KCNQ2: variants seen among roughly 807,000 people sequenced by gnomAD.
KCNQ2 encodes potassium voltage-gated channel subfamily KQT member 2.
In KCNQ2, 14 loss-of-function variants were observed where a neutral mutation model predicts 84.8. The ratio of observed to expected loss-of-function variants is 0.17; its 90% CI spans 0.11 to 0.26. The LOEUF is 0.26. Among genes scored for constraint, KCNQ2 ranks in the 10% least tolerant of loss-of-function variants. The pLI, the probability that KCNQ2 is intolerant of heterozygous loss-of-function variation, is 1.00. For synonymous variants in KCNQ2, 599 were observed against 554.1 expected, an observed-to-expected ratio of 1.08 and a Z score of -1.14; for missense variants, 788 against 1,254.0, an observed-to-expected ratio of 0.63 and a Z score of 5.61.
At chr20:63,442,319 C>G in intron 5 of KCNQ2, 87 bp downstream of exon 5, 3 of 1,582,636 alleles carry the variant, frequency 1.9e-6, no homozygotes, top group Non-Finnish European at 2.6e-6. Flanking sequence ...ATGTATGGAG[C>G]AGGCTCAGCC....
chr20:63,416,793 C>T (rs1047224311), intron 12 of KCNQ2, among the ~76,000 whole-genome samples: 1 of 152,106 alleles, frequency 6.6e-6, no homozygotes, highest in East Asian at 1.9e-4. Flanking sequence ...TAACCAGCCA[C>T]AGACATGAGA....
At chr20:63,435,058 G>T (rs1199795093) in intron 7 of KCNQ2, among the ~76,000 whole-genome samples, 1 of 152,138 alleles carries the variant, frequency 6.6e-6, no homozygotes. Context: ...ACCAGCAGGG[G>T]GGGCGGTGTC....
rs1470231395 is a variant in KCNQ2, at chr20:63,408,069, G to A, written c.1887+344C>T. Reference sequence around the variant, plus strand: ...CCAGAAGACAGCGGCCAGGGTGTCGGGCAAGGAGGACAGAGAGGAGGAAGG... The same window carrying A: ...CCAGAAGACAGCGGCCAGGGTGTCGAGCAAGGAGGACAGAGAGGAGGAAGG... On this transcript the variant is annotated intron_variant, in intron 16 of 16. Transcript: ENST00000359125. The surrounding 1 kb of genome is among the most constrained non-coding windows in gnomAD (Gnocchi z 5.0). 3 of 345,146 alleles carry A rather than the reference G, an allele frequency of 8.7e-6. No homozygotes were observed. Among genetic ancestry groups the A allele is most frequent in the African/African-American group, 4.2e-5 (2 of 47,404 alleles). The allele number at this position is 345,146 out of a possible 1,614,324, so 21.4% of individuals were successfully genotyped here. A position where few individuals can be genotyped will look rare whatever the true frequency, so the allele number is the denominator to read the frequency against.
At chr20:63,416,517 C>A (rs1311288352) in intron 12 of KCNQ2, among the ~76,000 whole-genome samples, 1 of 152,218 alleles carries the variant, frequency 6.6e-6, no homozygotes, top group Admixed American at 6.5e-5. Context: ...CATGCCCAGC[C>A]ATGCTTAGCA....
chr20:63,442,848 C>T (rs1600771104), intron 4 of KCNQ2, among the ~76,000 whole-genome samples: 2 of 34,948 alleles, frequency 5.7e-5, no homozygotes, highest in African/African-American at 2.1e-4. Flanking sequence ...ACCACCATCA[C>T]CATCACCACC....
At position 63,400,489 on chromosome 20, in the gene KCNQ2, G is replaced by T. The variant is rs929063942; in HGVS notation, c.*6155C>A. The stretch of plus-strand genomic sequence containing the variant: ...GACGGTGCACAAAGTTGAGATTGAA[G>T]TGTGCGGGGTAACACATCCACCAAA... On this transcript the variant is annotated 3_prime_UTR_variant, in exon 17 of 17. Transcript: ENST00000359125. The surrounding 1 kb of genome is among the most constrained non-coding windows in gnomAD (Gnocchi z 8.7). 12 of 397,466 alleles carry T rather than the reference G, an allele frequency of 3.0e-5. No individual in the cohort carries two copies. The highest frequency in any genetic ancestry group is 4.4e-6 in the Non-Finnish European group (1 of 225,892). 24.6% of individuals were successfully genotyped at this position (397,466 alleles called of 1,614,324 possible).
At position 63,446,487 on chromosome 20, in the gene KCNQ2, C is replaced by T. The variant is rs977451718; in HGVS notation, c.387+260G>A. Among the ~76,000 whole-genome samples, 4 of 151,926 alleles carry T rather than the reference C, an allele frequency of 2.6e-5. No homozygotes were observed. Among genetic ancestry groups the T allele is most frequent in the East Asian group, 1.9e-4 (1 of 5,152 alleles). ...GAGGGTGGCCCACCCAGGGTGGGGGCGATGGAGGCGGGGCTGTCAGCCACT... is the reference window on the plus strand; with the variant it reads ...GAGGGTGGCCCACCCAGGGTGGGGGTGATGGAGGCGGGGCTGTCAGCCACT... On this transcript the variant is annotated intron_variant, in intron 2 of 16. Coordinates refer to ENST00000359125, the MANE Select transcript of KCNQ2 (RefSeq NM_172107.4). This position sits in a 1 kb window ranked among gnomAD's most constrained non-coding sequence, Gnocchi z 5.5.
chr20:63,433,813 A>G lies in KCNQ2; in HGVS notation c.1114T>C (p.Tyr372His), dbSNP rs2145679082. ...YYERTVTVPM[Y>H]SSQTQTYGAS... ...GCAGGTGCCCGGCGGCGGTACCTGT[A>G]CATGGGCACGGTGACCGTTCGCTCG... Residue 372 changes from tyrosine to histidine, a missense_variant, in exon 8 of 17, where the codon TAC (tyrosine) becomes CAC (histidine). By Grantham distance (83) the Tyr-to-His change is moderately conservative. Around this residue, in one of 8 missense-constraint regions of KCNQ2, gnomAD observed 202 missense variants for 239.4 expected, o/e 0.84. Transcript: ENST00000359125. 8 of 1,613,988 alleles carry G rather than the reference A, an allele frequency of 5.0e-6. No individual in the cohort carries two copies. Among genetic ancestry groups the G allele is most frequent in the Non-Finnish European group, 6.8e-6 (8 of 1,179,946 alleles).
chr20:63,439,766 C>A (rs2084179663), intron 5 of KCNQ2, 58 bp from the exon 6 acceptor site: 1 of 1,346,612 alleles, frequency 7.4e-7, no homozygotes, highest in Non-Finnish European at 1.1e-6. Context: ...TGAGGGCAGG[C>A]TGGACGCCCG....
intron 4 of KCNQ2, among the ~76,000 whole-genome samples, chr20:63,442,927 C>A (rs1467934260): frequency 7.9e-6 from 1 of 126,682 alleles, no homozygotes; most frequent in Non-Finnish European, 1.7e-5. Flanking sequence ...TCACCACCAT[C>A]ACCATCACCA....
At position 63,407,313 on chromosome 20, in the gene KCNQ2, G is replaced by T; in HGVS notation, c.1950C>A (p.Ile650=). 6.3e-7 allele frequency: 1 copy of T among 1,596,534 alleles called. No homozygotes were observed. The highest frequency in any genetic ancestry group is 8.5e-7 in the Non-Finnish European group (1 of 1,178,246). ...LVNIYMQRMG[I]PPTETEAYFG... is the part of the protein sequence containing the mutation. Reference sequence around the variant, plus strand: ...AGTAGGCCTCGGTCTCTGTCGGGGGGATGCCCATCCGCTGCATGTAGATAT... The same window carrying T: ...AGTAGGCCTCGGTCTCTGTCGGGGGTATGCCCATCCGCTGCATGTAGATAT... The change falls in exon 17 of 17, where the codon ATC becomes ATA. Residue 650 remains isoleucine (I), a synonymous_variant. Coordinates refer to ENST00000359125, the MANE Select transcript of KCNQ2 (RefSeq NM_172107.4). The surrounding 1 kb of genome is among the most constrained non-coding windows in gnomAD (Gnocchi z 7.2).
chr20:63,430,419 A>G (rs1221604350), intron 9 of KCNQ2, among the ~76,000 whole-genome samples: 1 of 152,100 alleles, frequency 6.6e-6, no homozygotes, highest in Admixed American at 6.5e-5. Context: ...CTGGGAATGG[A>G]GAGTCAACAT....
At chr20:63,412,226 C>T (rs1041824763) in intron 15 of KCNQ2, 3 of 244,624 alleles carry the variant, frequency 1.2e-5, no homozygotes, top group South Asian at 6.3e-5. Flanking sequence ...TGTCAGGAGC[C>T]GGCCGAGGAC....
At chr20:63,431,507 G>GT (rs2080786551) in intron 8 of KCNQ2, 138 bp from the exon 9 acceptor site, 1 of 950,076 alleles carries the variant, frequency 1.1e-6, no homozygotes, top group African/African-American at 1.6e-5. Flanking sequence ...ACAAGGGCTG[G>GT]TTCTGTCCCT....
At chr20:63,421,631 T>G (rs2080472897) in intron 11 of KCNQ2, among the ~76,000 whole-genome samples, 1 of 151,848 alleles carries the variant, frequency 6.6e-6, no homozygotes, top group Non-Finnish European at 1.5e-5. Flanking sequence ...AGGACAGACA[T>G]GCACCAAAAA....
rs200909197 is a variant in KCNQ2, at chr20:63,406,997, C to T, written c.2266G>A (p.Gly756Ser). The T allele has an allele frequency of 6.1e-4, 933 of 1,539,682 alleles. No homozygotes were observed. The highest frequency in any genetic ancestry group is 7.7e-4 in the Non-Finnish European group (881 of 1,145,648). ...PAHERSLSAYGGGNRASMEFL... is the reference protein window; with the variant it reads ...PAHERSLSAYSGGNRASMEFL... ...TCCATGCTGGCGCGGTTGCCCCCGC[C>T]GTAGGCGGACAGCGACCGCTCGTGG... Residue 756 changes from glycine to serine, a missense_variant, in exon 17 of 17, where the codon GGC becomes AGC. Physicochemically the swap from Gly to Ser is moderately conservative, Grantham distance 56. Coordinates refer to ENST00000359125, the MANE Select transcript of KCNQ2 (RefSeq NM_172107.4).
rs972210143 is a variant in KCNQ2 at position 63,404,146 on chromosome 20, G to C, written c.*2498C>G. 1 of 152,332 alleles carries C rather than the reference G, an allele frequency of 6.6e-6. No individual in the cohort carries two copies. The allele number at this position is 152,332 out of a possible 1,614,324, so 9.4% of individuals were successfully genotyped here. The stretch of plus-strand genomic sequence containing the variant: ...TGCTGGGCGGCCAGCTTCTGGGAGG[G>C]AAGGGATTGGCCTGTCTTCCTCATC... On this transcript the variant is annotated 3_prime_UTR_variant, in exon 17 of 17. Transcript: ENST00000359125.
At chr20:63,436,775 CTTT>C (rs60028841) in intron 7 of KCNQ2, among the ~76,000 whole-genome samples, 5 of 122,366 alleles carry the variant, frequency 4.1e-5, no homozygotes, top group Admixed American at 8.9e-5. Context: ...ATAAACATAA[CTTT>C]TTTTTTTTTT....
At chr20:63,418,245 G>C (rs2145579445) in intron 12 of KCNQ2, among the ~76,000 whole-genome samples, 1 of 152,376 alleles carries the variant, frequency 6.6e-6, no homozygotes, top group Non-Finnish European at 1.5e-5. Flanking sequence ...CCCTCGGCCA[G>C]AGCTGCCCTC....
Sources: gnomAD v4.1 joint callset for allele counts (sites outside exome capture counted in the v4.1 genomes callset) on GRCh38, gnomAD v4.1.1 for gene constraint, gnomAD v4.1.1 regional missense constraint, Gnocchi (gnomAD v3.1) non-coding constraint, MANE v1.5 for transcripts, NCBI Gene and HGNC (gene_info 2026-07-23, HGNC 2026-07-21) for gene names.